Variants in GPATCH1 observed in about 807,000 individuals in gnomAD.
The protein encoded by GPATCH1 is G patch domain-containing protein 1.
In GPATCH1, 73 loss-of-function variants were observed where a neutral mutation model predicts 114.9. The ratio of observed to expected loss-of-function variants is 0.64; its 90% CI spans 0.53 to 0.77. The LOEUF is 0.77. Among genes scored for constraint, GPATCH1 ranks in the 30% least tolerant of loss-of-function variants. GPATCH1 has a pLI of 0.00. For synonymous variants in GPATCH1, 391 were observed against 428.4 expected (o/e 0.91, Z 1.08); for missense variants, 1,058 against 1,144.3 (o/e 0.92, Z 1.09).
chr19:33,124,225 A>T (rs1447676678), intron 17 of GPATCH1, among the ~76,000 whole-genome samples: 1 of 151,982 alleles, frequency 6.6e-6, no homozygotes, highest in Non-Finnish European at 1.5e-5. Context: ...AATTTTGTTG[A>T]TTTAGTTACC....
chr19:33,125,108 C>A lies in GPATCH1; in HGVS notation c.2525C>A (p.Ala842Asp). 6.3e-7 allele frequency: 1 copy of A among 1,596,658 alleles called. No individual in the cohort carries two copies. Among genetic ancestry groups the A allele is most frequent in the African/African-American group, 1.3e-5 (1 of 74,270 alleles). ...GTTTATTACCTTTGTGTTTCAGATG[C>A]TCGTCAGACACTTGAGGTTCCTCAA... is the stretch of plus-strand genomic sequence containing the variant. ...PRLPPVFCPNARQTLEVPQKE... is the reference protein window; with the variant it reads ...PRLPPVFCPNDRQTLEVPQKE... Residue 842 changes from alanine to aspartate, a missense_variant, in exon 18 of 20, where the codon GCT becomes GAT. By Grantham distance (126) the Ala-to-Asp change is moderately radical (BLOSUM62 -2). This residue lies in a region of GPATCH1 where 893 missense variants were observed against 977.4 expected (regional missense o/e 0.91). Coordinates refer to ENST00000170564, the MANE Select transcript of GPATCH1 (RefSeq NM_018025.3).
At chr19:33,123,587 C>CA (rs1371059895) in intron 17 of GPATCH1, among the ~76,000 whole-genome samples, 3 of 151,268 alleles carry the variant, frequency 2.0e-5, no homozygotes, top group Admixed American at 2.0e-4. Flanking sequence ...CTCACTTCCA[C>CA]AAAAAAATTA....
At chr19:33,126,024 A>G (rs1973036824) in intron 18 of GPATCH1, among the ~76,000 whole-genome samples, 1 of 152,168 alleles carries the variant, frequency 6.6e-6, no homozygotes, top group African/African-American at 2.4e-5. Flanking sequence ...TAGGTGCTGA[A>G]GAAATTAGAA....
chr19:33,130,126 C>T lies in GPATCH1; in HGVS notation c.2766-4C>T, dbSNP rs767798250. 6 of 1,609,890 alleles carry T rather than the reference C, an allele frequency of 3.7e-6. No individual in the cohort carries two copies. The East Asian group carries it at 1.3e-4, about 36-fold the overall frequency. On this transcript the variant is annotated splice_polypyrimidine_tract_variant and splice_region_variant and intron_variant, in intron 19 of 19. Coordinates refer to ENST00000170564, the MANE Select transcript of GPATCH1 (RefSeq NM_018025.3). ...ATTTCTCTCTTTTCTGTTTTCTTTT[C>T]CAGGCTGAAAAGTCTTCCACTAAGA...
chr19:33,109,281 C>A (rs1972822021), intron 10 of GPATCH1, among the ~76,000 whole-genome samples: 1 of 152,134 alleles, frequency 6.6e-6, no homozygotes, highest in African/African-American at 2.4e-5. Context: ...CTTTGGGAGG[C>A]CGAGGCGGGT....
Position 33,097,876 on chromosome 19 carries a change from C to T in GPATCH1, c.974C>T (p.Ala325Val), listed in dbSNP as rs545769439. ...EPGDGLYGWT[A>V]PRQYKNQKES... ...GGAGACGGACTCTATGGCTGGACAG[C>T]ACCCAGGCAGTATAAAAACCAGAAA... is the stretch of plus-strand genomic sequence containing the variant. Residue 325 changes from alanine (A) to valine (V), a missense_variant, in exon 8 of 20, where the codon GCA becomes GTA. Coordinates refer to ENST00000170564, the MANE Select transcript of GPATCH1 (RefSeq NM_018025.3). The T allele has an allele frequency of 7.7e-5, 124 of 1,614,002 alleles. 1 individual carries two copies. The South Asian group carries it at 1.3e-3, about 17-fold the overall frequency.
At position 33,106,779 on chromosome 19, in the gene GPATCH1, C is replaced by T; in HGVS notation, c.1165C>T (p.His389Tyr). ...GGTGGCCGCCACCTCCGAGAACTCA[C>T]ACTTACTGCAGGTATTATCAGAGTC... Reference protein sequence around the residue: ...PMVAATSENSHLLQVLSESAG... With the variant: ...PMVAATSENSYLLQVLSESAG... The change falls in exon 10 of 20, where the codon CAC becomes TAC. Residue 389 changes from histidine to tyrosine, a missense_variant. Around this residue, in one of 3 missense-constraint regions of GPATCH1, gnomAD observed 893 missense variants for 977.4 expected, o/e 0.91. Transcript: ENST00000170564. 1.2e-6 allele frequency: 2 copies of T among 1,613,922 alleles called. No individual in the cohort carries two copies. Among genetic ancestry groups the T allele is most frequent in the South Asian group, 2.2e-5 (2 of 91,066 alleles).
Position 33,097,755 on chromosome 19 carries a change from G to C in GPATCH1, c.853G>C (p.Ala285Pro), listed in dbSNP as rs1179891093. The C allele has an allele frequency of 3.1e-6, 5 of 1,613,626 alleles. No homozygotes were observed. Among genetic ancestry groups the C allele is most frequent in the Middle Eastern group, 3.3e-4 (2 of 6,060 alleles). ...AGTTTGAAACCTTGTTTTTTTAAAG[G>C]CTTTTGGTGTAGGTGCCCTGGAAGA... ...KGRKLGISGQAFGVGALEEED... is the reference protein window; with the variant it reads ...KGRKLGISGQPFGVGALEEED... The change falls in exon 8 of 20, where the codon GCT becomes CCT. Residue 285 changes from alanine (A) to proline (P), a missense_variant and splice_region_variant. Transcript: ENST00000170564.
chr19:33,084,994 G>T (rs1972521056), intron 1 of GPATCH1, among the ~76,000 whole-genome samples: 1 of 151,776 alleles, frequency 6.6e-6, no homozygotes, highest in African/African-American at 2.4e-5. Flanking sequence ...CTGTTTACTG[G>T]TGGGAGTCAG....
chr19:33,112,051 C>T (rs963875947), intron 12 of GPATCH1, 149 bp downstream of exon 12: 10 of 589,928 alleles, frequency 1.7e-5, no homozygotes, highest in African/African-American at 3.8e-5. Context: ...CTGCAGCCTC[C>T]GCTTCCTGGG....
intron 17 of GPATCH1, among the ~76,000 whole-genome samples, chr19:33,120,717 C>T (rs1972973990): frequency 1.3e-5 from 2 of 151,526 alleles, no homozygotes; most frequent in African/African-American, 2.4e-5. Flanking sequence ...AGGGTGGGCA[C>T]GGTGGCTCAC....
intron 5 of GPATCH1, among the ~76,000 whole-genome samples, chr19:33,095,316 T>C (rs1340933220): frequency 6.8e-6 from 1 of 146,806 alleles, no homozygotes; most frequent in East Asian, 2.1e-4. Context: ...CAGGCTGAAG[T>C]ACAATGCGCG....
intron 16 of GPATCH1, 78 bp downstream of exon 16, chr19:33,118,119 T>C: frequency 1.1e-6 from 1 of 895,492 alleles, no homozygotes; most frequent in South Asian, 1.5e-5. Flanking sequence ...GTTTACTCTA[T>C]AATCTTAAAC....
At chr19:33,118,082 C>A in intron 16 of GPATCH1, 41 bp downstream of exon 16, 1 of 1,355,526 alleles carries the variant, frequency 7.4e-7, no homozygotes, top group Non-Finnish European at 1.1e-6. Context: ...AAGGAGAAGA[C>A]AATGACTCTA....
intron 9 of GPATCH1, 38 bp from the exon 10 acceptor site, chr19:33,106,657 C>A: frequency 6.7e-7 from 1 of 1,502,646 alleles, no homozygotes; most frequent in Non-Finnish European, 9.2e-7. Flanking sequence ...CATGATCTTG[C>A]AGCCTGTATT....
chr19:33,107,948 C>G (rs1245384666), intron 10 of GPATCH1, among the ~76,000 whole-genome samples: 1 of 151,928 alleles, frequency 6.6e-6, no homozygotes, highest in African/African-American at 2.4e-5. Flanking sequence ...TGTGCTGCAC[C>G]TATTAACTCG....
At chr19:33,121,320 C>CT (rs534893516) in intron 17 of GPATCH1, among the ~76,000 whole-genome samples, 20,792 of 124,450 alleles carry the variant, frequency 0.17, 2,272 homozygotes, top group South Asian at 0.31. Context: ...CTTTTCTTTT[C>CT]TTTTTTTTTT....
At chr19:33,118,530 A>G (rs769789593) in intron 16 of GPATCH1, among the ~76,000 whole-genome samples, 2 of 152,132 alleles carry the variant, frequency 1.3e-5, no homozygotes, top group Non-Finnish European at 2.9e-5. Context: ...ATATATAGTA[A>G]TCTGCTTAAA....
chr19:33,108,452 C>G (rs1323927640), intron 10 of GPATCH1, among the ~76,000 whole-genome samples: 2 of 152,080 alleles, frequency 1.3e-5, no homozygotes, highest in Non-Finnish European at 2.9e-5. Context: ...GCCTAAGGGC[C>G]TTTGTGTTTG....
Sources: gnomAD v4.1 joint callset for allele counts (sites outside exome capture counted in the v4.1 genomes callset) on GRCh38, gnomAD v4.1.1 for gene constraint, gnomAD v4.1.1 regional missense constraint, MANE v1.5 for transcripts, NCBI Gene and HGNC (gene_info 2026-07-23, HGNC 2026-07-21) for gene names.